MIOS: variants seen among roughly 807,000 people sequenced by gnomAD.
MIOS encodes meiosis regulator for oocyte development, also known as GATOR2 complex protein MIOS.
In MIOS, 52 loss-of-function variants were observed where a neutral mutation model predicts 96.9. That is an observed-to-expected ratio of 0.54 (90% CI 0.43 to 0.68). MIOS has a LOEUF of 0.68. MIOS is among the 30% of genes least tolerant of loss of function. MIOS has a pLI of 0.00. For missense variants in MIOS, 1,005 were observed against 1,052.8 expected, an observed-to-expected ratio of 0.95 and a Z score of 0.63; for synonymous variants, 397 against 359.5, an observed-to-expected ratio of 1.10 and a Z score of -1.18.
intron 5 of MIOS, chr7:7,581,784 T>G (rs952711742): frequency 2.0e-5 from 3 of 152,192 alleles, no homozygotes; most frequent in Non-Finnish European, 1.5e-5. Context: ...CAGCAGGAGA[T>G]CTGTCTCCTG....
chr7:7,569,962 C>T (rs1783294000), intron 3 of MIOS, among the ~76,000 whole-genome samples: 1 of 152,108 alleles, frequency 6.6e-6, no homozygotes, highest in Non-Finnish European at 1.5e-5. Context: ...AGGCAGAGAC[C>T]AAAAGCATTT....
chr7:7,576,740 G>A (rs1340434808), intron 5 of MIOS, among the ~76,000 whole-genome samples: 3 of 152,138 alleles, frequency 2.0e-5, no homozygotes, highest in African/African-American at 7.2e-5. Flanking sequence ...TTGATAGTAG[G>A]GATATCAGAT....
At chr7:7,604,664 T>C (rs1333641955) in intron 11 of MIOS, among the ~76,000 whole-genome samples, 2 of 152,228 alleles carry the variant, frequency 1.3e-5, no homozygotes, top group Admixed American at 6.5e-5. Context: ...GTGGCACTTG[T>C]CTTCATAATT....
rs1454152551 is a variant in MIOS at position 7,589,476 on chromosome 7, A to G, written c.1956A>G (p.Thr652=). 1.2e-6 allele frequency: 2 copies of G among 1,613,658 alleles called. No homozygotes were observed. Among genetic ancestry groups the G allele is most frequent in the South Asian group, 2.2e-5 (2 of 91,058 alleles). The change falls in exon 9 of 13, where the codon ACA becomes ACG. Residue 652 remains threonine, a synonymous_variant. Transcript: ENST00000340080. Reference sequence around the variant, plus strand: ...GAAATTTGGAAGGAATTTTGCTTACAGGCCTTACTAAAGATGGAGTGGACT... The same window carrying G: ...GAAATTTGGAAGGAATTTTGCTTACGGGCCTTACTAAAGATGGAGTGGACT... The part of the protein sequence containing the change: ...EAGNLEGILL[T]GLTKDGVDLM...
intron 12 of MIOS, among the ~76,000 whole-genome samples, chr7:7,606,730 T>C (rs1192331632): frequency 2.6e-5 from 4 of 152,178 alleles, no homozygotes; most frequent in Non-Finnish European, 5.9e-5. Context: ...ATGCTTTTTT[T>C]CTCTGGGTTT....
chr7:7,575,590 C>G (rs958671915), intron 5 of MIOS, among the ~76,000 whole-genome samples: 10 of 152,172 alleles, frequency 6.6e-5, no homozygotes, highest in Admixed American at 6.5e-4. Flanking sequence ...GAATTAAACA[C>G]CAAGTTTATA....
intron 9 of MIOS, among the ~76,000 whole-genome samples, chr7:7,592,275 C>T (rs1784072028): frequency 6.6e-6 from 1 of 152,240 alleles, no homozygotes; most frequent in African/African-American, 2.4e-5. Context: ...AGGCGCAAGC[C>T]GCTGTGCCTG....
chr7:7,577,499 C>T (rs1783575303), intron 5 of MIOS, among the ~76,000 whole-genome samples: 1 of 152,076 alleles, frequency 6.6e-6, no homozygotes, highest in Non-Finnish European at 1.5e-5. Context: ...CTTTGTGTTG[C>T]TTTATTTCTG....
Position 7,573,543 on chromosome 7 carries a change from A to C in MIOS, c.1068A>C (p.Ile356=), listed in dbSNP as rs1217419635. The part of the protein sequence containing the change: ...TMSDFTVFER[I]SLAWSPITSL... ...CAGACTTCACTGTTTTTGAAAGGAT[A>C]TCTCTTGCCTGGAGCCCAATTACAT... The change falls in exon 4 of 13, where the codon ATA becomes ATC. Residue 356 remains isoleucine (I), a synonymous_variant. Transcript: ENST00000340080. The surrounding 1 kb of genome is among the most constrained non-coding windows in gnomAD (Gnocchi z 5.0). 3.7e-6 allele frequency: 6 copies of C among 1,613,996 alleles called. No homozygotes were observed. Among genetic ancestry groups the C allele is most frequent in the Admixed American group, 1.7e-5 (1 of 60,010 alleles).
chr7:7,596,170 A>G (rs1056259116), intron 10 of MIOS, 87 bp from the exon 11 acceptor site: 23 of 1,164,050 alleles, frequency 2.0e-5, no homozygotes, highest in Admixed American at 2.5e-5. Context: ...AAAGTATTTA[A>G]AAATAATTTG....
chr7:7,584,191 A>T (rs527446598), intron 6 of MIOS, among the ~76,000 whole-genome samples: 1 of 152,212 alleles, frequency 6.6e-6, no homozygotes, highest in East Asian at 1.9e-4. Context: ...TTGTAGTCTA[A>T]AAGTTAAAAA....
intron 5 of MIOS, chr7:7,581,882 C>G (rs73349869): frequency 1.3e-5 from 2 of 152,114 alleles, no homozygotes; most frequent in South Asian, 2.1e-4. Flanking sequence ...TTGATTCGCT[C>G]GGTGAACTGA....
At chr7:7,587,478 A>G (rs17168755) in intron 7 of MIOS, among the ~76,000 whole-genome samples, 22,850 of 152,190 alleles carry the variant, frequency 0.15, 1,866 homozygotes, top group East Asian at 0.29. Context: ...TGTTAATAGT[A>G]ATGTGAAAAG....
chr7:7,586,938 A>C (rs1783903996), intron 7 of MIOS, among the ~76,000 whole-genome samples: 1 of 151,872 alleles, frequency 6.6e-6, no homozygotes, highest in Non-Finnish European at 1.5e-5. Context: ...TTTAAATATT[A>C]AATTTCTGCA....
chr7:7,584,446 AT>A (rs1404952814), intron 6 of MIOS, among the ~76,000 whole-genome samples: 1 of 152,168 alleles, frequency 6.6e-6, no homozygotes, highest in Non-Finnish European at 1.5e-5. Context: ...CTTTCCAGTG[AT>A]TTTAAGGACT....
chr7:7,575,037 T>A (rs1783484323), intron 5 of MIOS, among the ~76,000 whole-genome samples: 1 of 152,112 alleles, frequency 6.6e-6, no homozygotes. Flanking sequence ...AAGTTTCAGA[T>A]TTTGAAGCCT....
chr7:7,606,761 A>G (rs570726946), intron 12 of MIOS, among the ~76,000 whole-genome samples: 1 of 152,106 alleles, frequency 6.6e-6, no homozygotes, highest in East Asian at 1.9e-4. Flanking sequence ...ATTTTTCCAA[A>G]TGCCATTTTG....
intron 3 of MIOS, among the ~76,000 whole-genome samples, chr7:7,568,700 TA>T (rs1783240388): frequency 6.6e-6 from 1 of 152,250 alleles, no homozygotes; most frequent in Non-Finnish European, 1.5e-5. Context: ...GCATATCGTG[TA>T]GCTGATCCTT....
intron 7 of MIOS, among the ~76,000 whole-genome samples, chr7:7,587,366 A>G (rs1783921052): frequency 6.6e-6 from 1 of 152,182 alleles, no homozygotes; most frequent in African/African-American, 2.4e-5. Flanking sequence ...ATTAGATAAC[A>G]GTCATCTTGA....
Sources: gnomAD v4.1 joint callset for allele counts (sites outside exome capture counted in the v4.1 genomes callset) on GRCh38, gnomAD v4.1.1 for gene constraint, Gnocchi (gnomAD v3.1) non-coding constraint, MANE v1.5 for transcripts, NCBI Gene and HGNC (gene_info 2026-07-23, HGNC 2026-07-21) for gene names.